VLDLR: variants seen among roughly 807,000 people sequenced by gnomAD.
VLDLR encodes the protein very low-density lipoprotein receptor.
A neutral mutation model predicts 112.7 loss-of-function variants in VLDLR; 81 were observed. The ratio of observed to expected loss-of-function variants is 0.72; its 90% CI spans 0.60 to 0.86. The LOEUF is 0.86. Among genes scored for constraint, VLDLR ranks in the 40% least tolerant of loss-of-function variants. The pLI, the probability that VLDLR is intolerant of heterozygous loss-of-function variation, is 0.00. For missense variants in VLDLR, 1,237 were observed against 1,099.4 expected (o/e 1.13, Z -1.77); for synonymous variants, 436 against 384.8 (o/e 1.13, Z -1.56).
chr9:2,638,989 GC>G (rs1320026636), intron 2 of VLDLR, among the ~76,000 whole-genome samples: 5 of 152,134 alleles, frequency 3.3e-5, no homozygotes, highest in Non-Finnish European at 7.3e-5. Context: ...GAGTTTCTTT[GC>G]CCCTGTAGAC....
At chr9:2,623,364 C>G (rs1816927555) in intron 1 of VLDLR, among the ~76,000 whole-genome samples, 1 of 152,268 alleles carries the variant, frequency 6.6e-6, no homozygotes, top group Non-Finnish European at 1.5e-5. Context: ...AGATGTGACG[C>G]CGAGGGGCTT....
At position 2,654,329 on chromosome 9, in the gene VLDLR, G is replaced by A; in HGVS notation, c.*461G>A. On this transcript the variant is annotated 3_prime_UTR_variant, in exon 19 of 19. Transcript: ENST00000382100. ...GGGACAATGGCAATAGGACAAAACG[G>A]GTTACTAAGATGAAATTGCCAAAAA... 1 of 159,792 alleles carries A rather than the reference G, an allele frequency of 6.3e-6. No individual in the cohort carries two copies. Among genetic ancestry groups the A allele is most frequent in the East Asian group, 1.8e-4 (1 of 5,598 alleles). The allele number at this position is 159,792 out of a possible 1,614,324, so 9.9% of individuals were successfully genotyped here. A position where few individuals can be genotyped will look rare whatever the true frequency, so the allele number is the denominator to read the frequency against.
At chr9:2,647,647 A>G in intron 12 of VLDLR, 55 bp downstream of exon 12, 1 of 1,454,320 alleles carries the variant, frequency 6.9e-7, no homozygotes, top group Admixed American at 1.7e-5. Flanking sequence ...TAGTGTTTCC[A>G]TTTATCTCCA....
At chr9:2,650,282 G>C in intron 14 of VLDLR, 88 bp from the exon 15 acceptor site, 2 of 1,558,288 alleles carry the variant, frequency 1.3e-6, no homozygotes, top group Non-Finnish European at 1.8e-6. Context: ...TTGGGGGCAA[G>C]GACTCAGGTC....
chr9:2,647,413 GCTA>G, intron 11 of VLDLR, 58 bp from the exon 12 acceptor site: 1 of 1,460,962 alleles, frequency 6.8e-7, no homozygotes, highest in Non-Finnish European at 9.6e-7. Flanking sequence ...TTTGTTTCCA[GCTA>G]CTACAACTTT....
At chr9:2,641,632 A>G in intron 4 of VLDLR, 133 bp downstream of exon 4, 1 of 1,335,142 alleles carries the variant, frequency 7.5e-7, no homozygotes, top group African/African-American at 1.5e-5. Flanking sequence ...TATCTGCTCA[A>G]TTACTTGTCC....
At chr9:2,640,894 G>C (rs34159107) in intron 3 of VLDLR, among the ~76,000 whole-genome samples, 2,392 of 152,248 alleles carry the variant, frequency 0.016, 59 homozygotes, top group African/African-American at 0.054. Flanking sequence ...CAAGCATTAG[G>C]GCATGCTTCT....
rs144724569 is a variant in VLDLR at position 2,645,713 on chromosome 9, C to A, written c.1452C>A (p.Phe484Leu). Residue 484 changes from phenylalanine to leucine, a missense_variant, in exon 10 of 19, where the codon TTC becomes TTA. Transcript: ENST00000382100. ...LDADIAAQKL[F>L]WADLSQKAIF... ...CTGACATTGCTGCCCAGAAACTATT[C>A]TGGGCCGATCTAAGCCAAAAGGCTA... 4.6e-4 allele frequency: 749 copies of A among 1,614,074 alleles called. No individual in the cohort carries two copies. The highest frequency in any genetic ancestry group is 6.2e-4 in the Non-Finnish European group (727 of 1,180,040).
At position 2,650,420 on chromosome 9, in the gene VLDLR, T is replaced by C; in HGVS notation, c.2155T>C (p.Cys719Arg). 6.2e-7 allele frequency: 1 copy of C among 1,614,162 alleles called. No homozygotes were observed. Among genetic ancestry groups the C allele is most frequent in the Non-Finnish European group, 8.5e-7 (1 of 1,180,028 alleles). ...GGAGAATGGAGGATGTGAATACCTA[T>C]GCCTGCCAGCACCACAGATTAATGA... ...DMENGGCEYLCLPAPQINDHS... is the reference protein window; with the variant it reads ...DMENGGCEYLRLPAPQINDHS... The change falls in exon 15 of 19, where the codon TGC (cysteine) becomes CGC (arginine). Residue 719 changes from cysteine (C) to arginine (R), a missense_variant. Transcript: ENST00000382100.
intron 3 of VLDLR, 107 bp from the exon 4 acceptor site, chr9:2,641,270 G>A (rs1314702253): frequency 6.4e-7 from 1 of 1,562,086 alleles, no homozygotes; most frequent in Non-Finnish European, 8.8e-7. Context: ...TTTCACCAGT[G>A]TGCCAGGCTA....
At chr9:2,646,767 C>T (rs1489089244) in intron 11 of VLDLR, among the ~76,000 whole-genome samples, 1 of 152,214 alleles carries the variant, frequency 6.6e-6, no homozygotes. Flanking sequence ...TCTCGTATGA[C>T]TGATTGCTGG....
At position 2,646,261 on chromosome 9, in the gene VLDLR, T is replaced by A. The variant is rs1417060337; in HGVS notation, c.1485-73T>A. ...CTGAACAAAGTCATTGACCATTTTG[T>A]AAGCAAAAAGTCCATTCTCCAAGCT... is the stretch of plus-strand genomic sequence containing the variant. On this transcript the variant is annotated intron_variant, in intron 10 of 18. Transcript: ENST00000382100. 5 of 1,470,632 alleles carry A rather than the reference T, an allele frequency of 3.4e-6. No homozygotes were observed. In the East Asian group the frequency reaches 1.1e-4, roughly 33 times the overall value. 91.1% of individuals were successfully genotyped at this position (1,470,632 alleles called of 1,614,324 possible). A position where few individuals can be genotyped will look rare whatever the true frequency, so the allele number is the denominator to read the frequency against.
intron 1 of VLDLR, among the ~76,000 whole-genome samples, chr9:2,634,734 T>C (rs1158338327): frequency 1.3e-5 from 2 of 152,268 alleles, no homozygotes; most frequent in African/African-American, 4.8e-5. Flanking sequence ...TACTTTCTTG[T>C]TGCTTTTATC....
At position 2,645,583 on chromosome 9, in the gene VLDLR, C is replaced by T; in HGVS notation, c.1322C>T (p.Pro441Leu). 1 of 1,614,206 alleles carries T rather than the reference C, an allele frequency of 6.2e-7. No individual in the cohort carries two copies. ...GACTTCCATCTTGCAGGCAAAGAGC[C>T]AAGTCTGATCTTCACTAATCGAAGA... is the stretch of plus-strand genomic sequence containing the variant. ...TGVCKAVGKE[P>L]SLIFTNRRDI... Residue 441 changes from proline to leucine, a missense_variant, in exon 10 of 19, where the codon CCA becomes CTA. Physicochemically the swap from Pro to Leu is moderately conservative, Grantham distance 98. Coordinates refer to ENST00000382100, the MANE Select transcript of VLDLR (RefSeq NM_003383.5).
chr9:2,646,294 T>C, intron 10 of VLDLR, 40 bp from the exon 11 acceptor site: 1 of 1,601,864 alleles, frequency 6.2e-7, no homozygotes, highest in Non-Finnish European at 8.6e-7. Flanking sequence ...GCTCTAATTG[T>C]GTCAAACTCT....
intron 1 of VLDLR, among the ~76,000 whole-genome samples, chr9:2,633,988 C>T (rs533126103): frequency 3.3e-5 from 5 of 152,138 alleles, no homozygotes; most frequent in East Asian, 1.9e-4. Context: ...ACCAATAAAA[C>T]GTGAAGAATG....
At position 2,629,883 on chromosome 9, in the gene VLDLR, A is replaced by G. The variant is rs140719726; in HGVS notation, c.83-5570A>G. Among the ~76,000 whole-genome samples the G allele has an allele frequency of 1.1e-3, 170 of 152,072 alleles. 1 individual carries two copies. The highest frequency in any genetic ancestry group is 3.6e-3 in the African/African-American group (149 of 41,494). On this transcript the variant is annotated intron_variant, in intron 1 of 18. Coordinates refer to ENST00000382100, the MANE Select transcript of VLDLR (RefSeq NM_003383.5). ...ACTATCTCGGCTCACTGCAACTTCT[A>G]CCTCCCAGGTTCAAACAATTCTCCT...
rs997366488 is a variant in VLDLR at position 2,654,662 on chromosome 9, T to C, written c.*794T>C. The C allele has an allele frequency of 2.0e-5, 3 of 152,140 alleles. No homozygotes were observed. Among genetic ancestry groups the C allele is most frequent in the African/African-American group, 4.8e-5 (2 of 41,392 alleles). The allele number at this position is 152,140 out of a possible 1,614,324, so 9.4% of individuals were successfully genotyped here. ...CTGTTTAACATTTGCTCCCGAAATA[T>C]TTCTTACTGTGTAAAAGAAGCTAGC... is the stretch of plus-strand genomic sequence containing the variant. On this transcript the variant is annotated 3_prime_UTR_variant, in exon 19 of 19. Transcript: ENST00000382100.
Position 2,650,417 on chromosome 9 carries a change from C to T in VLDLR, c.2152C>T (p.Leu718=). The change falls in exon 15 of 19, where the codon CTA becomes TTA. Residue 718 remains leucine, a synonymous_variant. Coordinates refer to ENST00000382100, the MANE Select transcript of VLDLR (RefSeq NM_003383.5). ...CATGGAGAATGGAGGATGTGAATAC[C>T]TATGCCTGCCAGCACCACAGATTAA... The part of the protein sequence containing the change: ...EDMENGGCEY[L]CLPAPQINDH... 6.2e-7 allele frequency: 1 copy of T among 1,613,996 alleles called. No homozygotes were observed. Among genetic ancestry groups the T allele is most frequent in the East Asian group, 2.2e-5 (1 of 44,868 alleles).
Sources: gnomAD v4.1 joint callset for allele counts (sites outside exome capture counted in the v4.1 genomes callset) on GRCh38, gnomAD v4.1.1 for gene constraint, MANE v1.5 for transcripts, NCBI Gene and HGNC (gene_info 2026-07-23, HGNC 2026-07-21) for gene names.